SUSD4: variants seen among roughly 807,000 people sequenced by gnomAD.
SUSD4 encodes sushi domain containing 4.
A neutral mutation model predicts 50.5 loss-of-function variants in SUSD4; 41 were observed. The ratio of observed to expected loss-of-function variants is 0.81; its 90% CI spans 0.63 to 1.05. The LOEUF is 1.05. SUSD4 is among the 50% of genes least tolerant of loss of function. SUSD4 has a pLI of 0.00. For missense variants in SUSD4, 580 were observed against 634.7 expected, an observed-to-expected ratio of 0.91 and a Z score of 0.93; for synonymous variants, 257 against 257.3, an observed-to-expected ratio of 1.00 and a Z score of 0.01.
chr1:223,365,066 C>T (rs1400242127), upstream of SUSD4, among the ~76,000 whole-genome samples: 1 of 151,946 alleles, frequency 6.6e-6, no homozygotes, highest in Non-Finnish European at 1.5e-5. Context: ...GCGGGGGTAG[C>T]GGGTGATTGG....
At chr1:223,273,676 G>C (rs1383553896) in intron 3 of SUSD4, among the ~76,000 whole-genome samples, 3 of 152,224 alleles carry the variant, frequency 2.0e-5, no homozygotes, top group Non-Finnish European at 4.4e-5. Context: ...GCCACACTGT[G>C]GTCAGCCATG....
At chr1:223,241,337 G>A (rs1660569448) in intron 5 of SUSD4, among the ~76,000 whole-genome samples, 1 of 152,202 alleles carries the variant, frequency 6.6e-6, no homozygotes, top group South Asian at 2.1e-4. Flanking sequence ...CCCCATGACT[G>A]GGTGCCCCTA....
chr1:223,243,529 C>G (rs1318881947), intron 5 of SUSD4, among the ~76,000 whole-genome samples: 1 of 152,186 alleles, frequency 6.6e-6, no homozygotes, highest in Non-Finnish European at 1.5e-5. Flanking sequence ...TCAGAGGGCC[C>G]CCAGGGCCAG....
chr1:223,244,951 T>C (rs1310758778), intron 5 of SUSD4, among the ~76,000 whole-genome samples: 1 of 152,140 alleles, frequency 6.6e-6, no homozygotes, highest in East Asian at 1.9e-4. Flanking sequence ...TTAGATGAGC[T>C]GTCCAGGAAA....
intron 2 of SUSD4, among the ~76,000 whole-genome samples, chr1:223,327,666 A>G (rs1320051821): frequency 7.2e-5 from 11 of 152,138 alleles, no homozygotes. Context: ...TCTGGCCCAT[A>G]GGGAGCCTTC....
intron 2 of SUSD4, among the ~76,000 whole-genome samples, chr1:223,295,246 C>T (rs1664746361): frequency 6.6e-6 from 1 of 152,122 alleles, no homozygotes; most frequent in Admixed American, 6.5e-5. Flanking sequence ...AACATATATT[C>T]ATGATGCTAT....
chr1:223,256,554 G>A (rs1384012511), intron 5 of SUSD4, among the ~76,000 whole-genome samples: 1 of 152,124 alleles, frequency 6.6e-6, no homozygotes, highest in East Asian at 1.9e-4. Flanking sequence ...ATGAATTTCA[G>A]GAAAACTCTG....
intron 2 of SUSD4, among the ~76,000 whole-genome samples, chr1:223,320,370 A>G (rs1230717244): frequency 6.6e-6 from 1 of 152,066 alleles, no homozygotes; most frequent in East Asian, 1.9e-4. Flanking sequence ...TGTGCCTGTG[A>G]GCTGAAATGC....
At chr1:223,347,989 A>G (rs1322361045) in intron 2 of SUSD4, among the ~76,000 whole-genome samples, 1 of 152,084 alleles carries the variant, frequency 6.6e-6, no homozygotes, top group Non-Finnish European at 1.5e-5. Context: ...CTCATCGGTA[A>G]TTAAGGCAAC....
At chr1:223,264,132 A>G (rs1001114965) in intron 5 of SUSD4, 15 of 985,284 alleles carry the variant, frequency 1.5e-5, no homozygotes, top group African/African-American at 1.2e-4. Context: ...GTGAATCACA[A>G]TCTATAGTCA....
chr1:223,297,392 G>A (rs979894200), intron 2 of SUSD4, among the ~76,000 whole-genome samples: 1 of 152,172 alleles, frequency 6.6e-6, no homozygotes, highest in African/African-American at 2.4e-5. Context: ...CTACACAGCA[G>A]GAAGAAAAAC....
rs1414539484 is a variant in SUSD4, at chr1:223,268,498, G to A, written c.535+4C>T. On this transcript the variant is annotated splice_donor_region_variant and intron_variant, in intron 4 of 8. Transcript: ENST00000366878. ...AGCTGAGAACTGAAGCATCAGTCCC[G>A]TACCTTGACAGATGGGCAGATTATT... The A allele has an allele frequency of 5.6e-6, 9 of 1,612,016 alleles. No individual in the cohort carries two copies. Among genetic ancestry groups the A allele is most frequent in the South Asian group, 1.1e-5 (1 of 90,530 alleles).
At chr1:223,300,971 G>C (rs1173084764) in intron 2 of SUSD4, among the ~76,000 whole-genome samples, 1 of 152,128 alleles carries the variant, frequency 6.6e-6, no homozygotes, top group Non-Finnish European at 1.5e-5. Flanking sequence ...GCAATCTTTG[G>C]GGTTATTCTA....
At chr1:223,279,184 C>T (rs934164705) in intron 3 of SUSD4, among the ~76,000 whole-genome samples, 7 of 152,198 alleles carry the variant, frequency 4.6e-5, no homozygotes, top group South Asian at 2.1e-4. Flanking sequence ...TCCAAAGGAA[C>T]GCAGCTCCTT....
intron 2 of SUSD4, among the ~76,000 whole-genome samples, chr1:223,293,773 C>T (rs1558223478): frequency 6.6e-6 from 1 of 152,008 alleles, no homozygotes; most frequent in Non-Finnish European, 1.5e-5. Flanking sequence ...ACATCATGAG[C>T]CACAGCTAGG....
At position 223,325,984 on chromosome 1, in the gene SUSD4, T is replaced by C. The variant is rs180879059; in HGVS notation, c.149-33333A>G. Among the ~76,000 whole-genome samples the C allele has an allele frequency of 5.3e-5, 8 of 152,274 alleles. No individual in the cohort carries two copies. The East Asian group carries it at 1.4e-3, about 26-fold the overall frequency. ...AGATTCTATGCAATGCCCATCAAAA[T>C]ACCAAAATCATTTTTCACAGAATTA... On this transcript the variant is annotated intron_variant, in intron 2 of 8. Coordinates refer to ENST00000366878, the MANE Select transcript of SUSD4 (RefSeq NM_017982.4).
intron 5 of SUSD4, among the ~76,000 whole-genome samples, chr1:223,233,166 G>C (rs961663167): frequency 3.3e-5 from 5 of 152,152 alleles, no homozygotes; most frequent in African/African-American, 1.2e-4. Flanking sequence ...CCATTGTAGA[G>C]GCCTTAACTC....
At chr1:223,223,203 C>T (rs1177907587) in intron 8 of SUSD4, 46 bp downstream of exon 8, 15 of 1,502,944 alleles carry the variant, frequency 1.0e-5, no homozygotes, top group South Asian at 4.0e-5. Context: ...GATGCTGGTG[C>T]GGAGGTGTTT....
At chr1:223,352,379 T>C (rs1381973207) in intron 2 of SUSD4, among the ~76,000 whole-genome samples, 1 of 152,152 alleles carries the variant, frequency 6.6e-6, no homozygotes, top group African/African-American at 2.4e-5. Flanking sequence ...CTCGAGGGGA[T>C]AGATAAATGC....
Sources: gnomAD v4.1 joint callset for allele counts (sites outside exome capture counted in the v4.1 genomes callset) on GRCh38, gnomAD v4.1.1 for gene constraint, MANE v1.5 for transcripts, NCBI Gene and HGNC (gene_info 2026-07-23, HGNC 2026-07-21) for gene names.